ANXA7: variants seen among roughly 807,000 people sequenced by gnomAD.
The protein encoded by ANXA7 is annexin VII.
Under a neutral mutation model 64.9 loss-of-function variants are expected in ANXA7, and 55 were observed. That is an observed-to-expected ratio of 0.85 (90% CI 0.68 to 1.06). The LOEUF (loss-of-function observed/expected upper bound fraction) is 1.06. Among genes scored for constraint, ANXA7 ranks in the 50% least tolerant of loss-of-function variants. The pLI, the probability that ANXA7 is intolerant of heterozygous loss-of-function variation, is 0.00. For missense variants in ANXA7, 548 were observed against 582.1 expected, an observed-to-expected ratio of 0.94 and a Z score of 0.60; for synonymous variants, 200 against 192.4, an observed-to-expected ratio of 1.04 and a Z score of -0.33.
At chr10:73,401,263 A>AAC (rs5786109) in intron 1 of ANXA7, among the ~76,000 whole-genome samples, 5,332 of 148,090 alleles carry the variant, frequency 0.036, 178 homozygotes, top group African/African-American at 0.089. Context: ...ACACATACAC[A>AAC]ACACACACAC....
At chr10:73,393,452 T>C (rs946174944) in intron 5 of ANXA7, among the ~76,000 whole-genome samples, 51 of 152,088 alleles carry the variant, frequency 3.4e-4, no homozygotes, top group Admixed American at 1.4e-3. Flanking sequence ...TACCTGACTT[T>C]AAACTATACT....
chr10:73,412,051 T>G (rs2055851263), intron 1 of ANXA7, among the ~76,000 whole-genome samples: 1 of 151,160 alleles, frequency 6.6e-6, no homozygotes, highest in Non-Finnish European at 1.5e-5. Flanking sequence ...CTTTTTTCTT[T>G]TTTTGAGATG....
At chr10:73,410,610 C>T (rs535422164) in intron 1 of ANXA7, among the ~76,000 whole-genome samples, 2 of 151,932 alleles carry the variant, frequency 1.3e-5, no homozygotes, top group South Asian at 2.1e-4. Context: ...TGGAGAAACC[C>T]GTCTCTACCA....
chr10:73,386,214 TAA>T (rs377002771), intron 7 of ANXA7, among the ~76,000 whole-genome samples: 60 of 83,338 alleles, frequency 7.2e-4, no homozygotes, highest in African/African-American at 8.8e-4. Context: ...CAAAAAAAAG[TAA>T]AAAAAAAAAA....
At chr10:73,410,550 C>T (rs1272733925) in intron 1 of ANXA7, among the ~76,000 whole-genome samples, 2 of 151,976 alleles carry the variant, frequency 1.3e-5, no homozygotes, top group Non-Finnish European at 2.9e-5. Flanking sequence ...TTGGGAGGCC[C>T]AGACGGGCGA....
rs904551035 is a variant in ANXA7, at chr10:73,379,101, T to C, written c.1166-78A>G. On this transcript the variant is annotated intron_variant, in intron 11 of 12. Transcript: ENST00000372921. The stretch of plus-strand genomic sequence containing the variant: ...CCCCTCCAGCTTCATTTATCACTTA[T>C]AGCCTGCCTTTGATTATTTTCTCTG... The C allele has an allele frequency of 7.5e-6, 7 of 931,942 alleles. No individual in the cohort carries two copies. The East Asian group carries it at 8.0e-5, about 11-fold the overall frequency. The allele number at this position is 931,942 out of a possible 1,614,324, so 57.7% of individuals were successfully genotyped here. A position where few individuals can be genotyped will look rare whatever the true frequency, so the allele number is the denominator to read the frequency against.
chr10:73,386,717 C>G (rs185956614), intron 7 of ANXA7, among the ~76,000 whole-genome samples: 1 of 152,152 alleles, frequency 6.6e-6, no homozygotes, highest in African/African-American at 2.4e-5. Flanking sequence ...ACCTAGGCTA[C>G]AGTGCAGTAA....
At chr10:73,410,276 C>T (rs567008807) in intron 1 of ANXA7, among the ~76,000 whole-genome samples, 3 of 151,854 alleles carry the variant, frequency 2.0e-5, no homozygotes, top group Non-Finnish European at 4.4e-5. Flanking sequence ...GGACTAGTAT[C>T]CAGAATCTAC....
At chr10:73,383,378 A>C in intron 8 of ANXA7, 33 bp from the exon 9 acceptor site, 3 of 1,566,232 alleles carry the variant, frequency 1.9e-6, no homozygotes, top group Non-Finnish European at 2.6e-6. Context: ...TATACAAAGA[A>C]AAATGAAATT....
chr10:73,410,386 C>T (rs2055820093), intron 1 of ANXA7, among the ~76,000 whole-genome samples: 1 of 151,992 alleles, frequency 6.6e-6, no homozygotes, highest in African/African-American at 2.4e-5. Flanking sequence ...GGCCAAAAAA[C>T]ATGAAATAAT....
intron 5 of ANXA7, chr10:73,395,853 A>C: frequency 1.5e-6 from 1 of 686,428 alleles, no homozygotes; most frequent in Non-Finnish European, 2.7e-6. Flanking sequence ...CTCTGCAGCT[A>C]ATGAGAAAAT....
chr10:73,378,875 A>G, intron 12 of ANXA7, 36 bp downstream of exon 12: 1 of 1,495,746 alleles, frequency 6.7e-7, no homozygotes, highest in Non-Finnish European at 9.3e-7. Flanking sequence ...TTGAACATCA[A>G]GTAAGACCCG....
At chr10:73,385,643 T>C (rs1463861606) in intron 7 of ANXA7, among the ~76,000 whole-genome samples, 1 of 152,170 alleles carries the variant, frequency 6.6e-6, no homozygotes, top group East Asian at 1.9e-4. Context: ...TTGTTAGTTT[T>C]AATTCTAAAG....
In ANXA7 at chr10:73,375,978, C is replaced by G. The variant is rs2055162458; in HGVS notation, c.*117G>C. 2.4e-6 allele frequency: 2 copies of G among 850,100 alleles called. No homozygotes were observed. Among genetic ancestry groups the G allele is most frequent in the African/African-American group, 3.5e-5 (2 of 57,762 alleles). 52.7% of individuals were successfully genotyped at this position (850,100 alleles called of 1,614,324 possible). A position where few individuals can be genotyped will look rare whatever the true frequency, so the allele number is the denominator to read the frequency against. Reference sequence around the variant, plus strand: ...ACCAAGCACATTACCCTGATACGGTCCTTGACAGAAAGCTCTTTCGGTTAG... The same window carrying G: ...ACCAAGCACATTACCCTGATACGGTGCTTGACAGAAAGCTCTTTCGGTTAG... On this transcript the variant is annotated 3_prime_UTR_variant, in exon 13 of 13. Transcript: ENST00000372921.
At chr10:73,381,044 A>T (rs955272883) in intron 9 of ANXA7, among the ~76,000 whole-genome samples, 1 of 150,822 alleles carries the variant, frequency 6.6e-6, no homozygotes, top group African/African-American at 2.4e-5. Context: ...TGAGTATAAT[A>T]TTTTTTTTTA....
chr10:73,397,882 T>C (rs1325617033), intron 3 of ANXA7, among the ~76,000 whole-genome samples: 2 of 152,232 alleles, frequency 1.3e-5, no homozygotes, highest in African/African-American at 2.4e-5. Context: ...GTCTTGCTAA[T>C]TGAAATGTCT....
In ANXA7 at chr10:73,375,979, C is replaced by A; in HGVS notation, c.*116G>T. The A allele has an allele frequency of 1.1e-6, 1 of 875,936 alleles. No homozygotes were observed. Among genetic ancestry groups the A allele is most frequent in the South Asian group, 2.4e-5 (1 of 42,196 alleles). 54.3% of individuals were successfully genotyped at this position (875,936 alleles called of 1,614,324 possible). ...CCAAGCACATTACCCTGATACGGTC[C>A]TTGACAGAAAGCTCTTTCGGTTAGC... On this transcript the variant is annotated 3_prime_UTR_variant, in exon 13 of 13. Transcript: ENST00000372921.
At chr10:73,386,427 G>A (rs945220749) in intron 7 of ANXA7, among the ~76,000 whole-genome samples, 3 of 152,072 alleles carry the variant, frequency 2.0e-5, no homozygotes, top group African/African-American at 7.2e-5. Flanking sequence ...TCAGTTTTTG[G>A]GGGTGGGCCG....
At position 73,387,698 on chromosome 10, in the gene ANXA7, G is replaced by A; in HGVS notation, c.624C>T (p.Ser208=). 1 of 1,613,620 alleles carries A rather than the reference G, an allele frequency of 6.2e-7. No homozygotes were observed. The highest frequency in any genetic ancestry group is 1.1e-5 in the South Asian group (1 of 91,076). Residue 208 remains serine (S), a synonymous_variant, in exon 7 of 13, where the codon TCC becomes TCT. Coordinates refer to ENST00000372921, the MANE Select transcript of ANXA7 (RefSeq NM_001156.5). ...RQKIKAAFKT[S]YGKDLIKDLK... is the part of the protein sequence containing the mutation. ...GGAAAGAAAAACATACCTTGCCATAGGAGGTCTTAAATGCTGCTTTAATTT... is the reference window on the plus strand; with the variant it reads ...GGAAAGAAAAACATACCTTGCCATAAGAGGTCTTAAATGCTGCTTTAATTT...
Sources: allele counts gnomAD v4.1 joint callset (sites outside exome capture counted in the v4.1 genomes callset), GRCh38; gene constraint gnomAD v4.1.1; transcripts MANE v1.5; gene names NCBI Gene and HGNC (gene_info 2026-07-23, HGNC 2026-07-21).